ADGRA2: variants seen among roughly 807,000 people sequenced by gnomAD.
ADGRA2 encodes the protein G-protein coupled receptor 124.
Under a neutral mutation model 98.7 loss-of-function variants are expected in ADGRA2, and 61 were observed. The ratio of observed to expected loss-of-function variants is 0.62; its 90% CI spans 0.50 to 0.76. The LOEUF (loss-of-function observed/expected upper bound fraction) is 0.76. ADGRA2 is among the 30% of genes least tolerant of loss of function. ADGRA2 has a pLI of 0.00. For synonymous variants in ADGRA2, 858 were observed against 831.5 expected (o/e 1.03, Z -0.55); for missense variants, 1,712 against 1,860.0 (o/e 0.92, Z 1.46).
rs937125163 is a variant in ADGRA2, at chr8:37,824,656, G to A, written c.339-4232G>A. Among the ~76,000 whole-genome samples the A allele has an allele frequency of 5.3e-5, 8 of 151,678 alleles. No individual in the cohort carries two copies. The East Asian group carries it at 9.8e-4, about 19-fold the overall frequency. ...TTACAAGGCTCCCGCCACCACACAC[G>A]GCTAATTTTTTGTATTTTTAGTAGA... is the stretch of plus-strand genomic sequence containing the variant. On this transcript the variant is annotated intron_variant, in intron 2 of 18. Coordinates refer to ENST00000412232, the MANE Select transcript of ADGRA2 (RefSeq NM_032777.10).
chr8:37,830,930 G>T lies in ADGRA2; in HGVS notation c.932+7G>T. On this transcript the variant is annotated splice_region_variant and intron_variant, in intron 7 of 18. Transcript: ENST00000412232. This position sits in a 1 kb window ranked among gnomAD's most constrained non-coding sequence, Gnocchi z 4.8. The stretch of plus-strand genomic sequence containing the variant: ...ACTGCACCTTCATCACCAGGTATGA[G>T]CCCCGCTGCCCCTCCTCAGGCCTCA... The T allele has an allele frequency of 6.4e-7, 1 of 1,556,178 alleles. No homozygotes were observed.
intron 2 of ADGRA2, among the ~76,000 whole-genome samples, chr8:37,819,440 C>T (rs1452601918): frequency 6.6e-6 from 1 of 152,046 alleles, no homozygotes; most frequent in Non-Finnish European, 1.5e-5. Flanking sequence ...GGCACGATCT[C>T]CAGTGCAACC....
Position 37,830,620 on chromosome 8 carries a change from G to A in ADGRA2, c.719-90G>A, listed in dbSNP as rs192165688. 4,667 of 244,450 alleles carry A rather than the reference G, an allele frequency of 0.019. 36 individuals are homozygous for A. The highest frequency in any genetic ancestry group is 0.026 in the Non-Finnish European group (3,227 of 124,804). 15.1% of individuals were successfully genotyped at this position (244,450 alleles called of 1,614,324 possible). A position where few individuals can be genotyped will look rare whatever the true frequency, so the allele number is the denominator to read the frequency against. On this transcript the variant is annotated intron_variant, in intron 6 of 18. Transcript: ENST00000412232. This position sits in a 1 kb window ranked among gnomAD's most constrained non-coding sequence, Gnocchi z 4.8. ...GGCTGCAGGCCGAGGGCCCCGCCCC[G>A]CCCCACCCCATCCTGCTGGACTCTC...
At chr8:37,804,651 C>T (rs1030639468) in intron 1 of ADGRA2, among the ~76,000 whole-genome samples, 4 of 152,216 alleles carry the variant, frequency 2.6e-5, no homozygotes, top group African/African-American at 4.8e-5. Context: ...AGGGGACATC[C>T]GAGTCCCACT....
In ADGRA2 at chr8:37,840,366, G is replaced by A. The variant is rs1563354341; in HGVS notation, c.2657+100G>A. On this transcript the variant is annotated intron_variant, in intron 17 of 18. Transcript: ENST00000412232. ...TGAAGGGTGAGTCTAAGGTCCCTGG[G>A]AGATCACTCTCCAAAGACGGGGGAG... 19 of 1,290,892 alleles carry A rather than the reference G, an allele frequency of 1.5e-5. No individual in the cohort carries two copies. In the East Asian group the frequency reaches 4.4e-4, roughly 30 times the overall value. The allele number at this position is 1,290,892 out of a possible 1,614,324, so 80.0% of individuals were successfully genotyped here. A position where few individuals can be genotyped will look rare whatever the true frequency, so the allele number is the denominator to read the frequency against.
Position 37,844,543 on chromosome 8 carries a change from G to C in ADGRA2, c.*2188G>C. On this transcript the variant is annotated 3_prime_UTR_variant, in exon 19 of 19. Coordinates refer to ENST00000412232, the MANE Select transcript of ADGRA2 (RefSeq NM_032777.10). ...GCCTGTCTAGCAGCCTGGGCTCTCT[G>C]AAAGTCCCTAACTTCCTGAGGGGTA... The C allele has an allele frequency of 1.9e-6, 3 of 1,613,904 alleles. No homozygotes were observed. The highest frequency in any genetic ancestry group is 2.5e-6 in the Non-Finnish European group (3 of 1,180,030).
chr8:37,798,186 C>T (rs1804396477), intron 1 of ADGRA2, among the ~76,000 whole-genome samples: 1 of 152,230 alleles, frequency 6.6e-6, no homozygotes, highest in Non-Finnish European at 1.5e-5. Flanking sequence ...CCCACGGCGC[C>T]GTTTGTGCAG....
chr8:37,834,199 CTGCCG>C lies in ADGRA2; in HGVS notation c.1608+76_1608+80del, dbSNP rs1247706836. On this transcript the variant is annotated intron_variant, in intron 11 of 18. Transcript: ENST00000412232. The surrounding 1 kb of genome is among the most constrained non-coding windows in gnomAD (Gnocchi z 4.2). The stretch of plus-strand genomic sequence containing the variant: ...GAGGCGCTCCCTCTCAGGCGTGCAC[CTGCCG>C]TGCCCCAGCTAGCAAGAGCAGCAGA... 2 of 1,354,704 alleles carry C rather than the reference CTGCCG, an allele frequency of 1.5e-6. No homozygotes were observed. Among genetic ancestry groups the C allele is most frequent in the Admixed American group, 2.2e-5 (1 of 46,172 alleles). The allele number at this position is 1,354,704 out of a possible 1,614,324, so 83.9% of individuals were successfully genotyped here.
Position 37,841,529 on chromosome 8 carries a change from T to C in ADGRA2, c.3191T>C (p.Phe1064Ser). 1.2e-6 allele frequency: 2 copies of C among 1,612,508 alleles called. No individual in the cohort carries two copies. The highest frequency in any genetic ancestry group is 1.7e-6 in the Non-Finnish European group (2 of 1,179,766). Residue 1064 changes from phenylalanine (F) to serine (S), a missense_variant, in exon 19 of 19, where the codon TTC becomes TCC. By Grantham distance (155) the Phe-to-Ser change is radical. Transcript: ENST00000412232. This position sits in a 1 kb window ranked among gnomAD's most constrained non-coding sequence, Gnocchi z 5.0. ...GTGGCAGCCTCCGCCCTGGGCCTCT[T>C]CGTCTTCACTCACCACTGTGCCAGG... is the stretch of plus-strand genomic sequence containing the variant. ...YGVAASALGL[F>S]VFTHHCARRR...
chr8:37,825,871 C>T (rs1389896737), intron 2 of ADGRA2, among the ~76,000 whole-genome samples: 3 of 152,178 alleles, frequency 2.0e-5, no homozygotes, highest in South Asian at 2.1e-4. Context: ...CAAGGGCACT[C>T]GTGGGGGCTG....
rs750759100 is a variant in ADGRA2, at chr8:37,814,917, C to T, written c.288C>T (p.Ile96=). ...TCAGGCTCTTGAGCAATAACAAGAT[C>T]ACGGGGCTCCGCAATGGCTCCTTCC... ...TVTLLLSNNK[I]TGLRNGSFLG... The change falls in exon 2 of 19, where the codon ATC becomes ATT. Residue 96 remains isoleucine, a synonymous_variant. Transcript: ENST00000412232. This position sits in a 1 kb window ranked among gnomAD's most constrained non-coding sequence, Gnocchi z 4.3. The T allele has an allele frequency of 5.6e-6, 9 of 1,612,854 alleles. No individual in the cohort carries two copies. Among genetic ancestry groups the T allele is most frequent in the Non-Finnish European group, 7.6e-6 (9 of 1,178,934 alleles).
At chr8:37,818,276 C>T (rs1186356276) in intron 2 of ADGRA2, among the ~76,000 whole-genome samples, 1 of 152,226 alleles carries the variant, frequency 6.6e-6, no homozygotes, top group Non-Finnish European at 1.5e-5. Context: ...CTCCTTAGCA[C>T]ACACAAGTGA....
At chr8:37,810,683 G>A (rs544557585) in intron 1 of ADGRA2, among the ~76,000 whole-genome samples, 19 of 152,194 alleles carry the variant, frequency 1.2e-4, no homozygotes, top group African/African-American at 3.9e-4. Context: ...ATGTTTTATA[G>A]AGACAGGGTC....
At chr8:37,809,486 C>T (rs909513149) in intron 1 of ADGRA2, among the ~76,000 whole-genome samples, 1 of 152,076 alleles carries the variant, frequency 6.6e-6, no homozygotes, top group African/African-American at 2.4e-5. Flanking sequence ...GTTGTTAAGG[C>T]CAAAAGATCC....
In ADGRA2 at chr8:37,835,338, G is replaced by C. The variant is rs764715463; in HGVS notation, c.1773G>C (p.Gln591His). The change falls in exon 12 of 19, where the codon CAG becomes CAC. Residue 591 changes from glutamine (Q) to histidine (H), a missense_variant. Transcript: ENST00000412232. ...AGCCCGAGCCCCCAGCTGACCAGCA[G>C]CTCCGCTTCCGCTGCACCACCGGGA... ...PPEPEPPADQ[Q>H]LRFRCTTGRP... 6.2e-7 allele frequency: 1 copy of C among 1,613,424 alleles called. No homozygotes were observed.
At position 37,833,140 on chromosome 8, in the gene ADGRA2, G is replaced by T; in HGVS notation, c.1228G>T (p.Glu410Ter). 6.2e-7 allele frequency: 1 copy of T among 1,613,166 alleles called. No individual in the cohort carries two copies. Residue 410 changes from glutamate (E) to a stop codon, truncating the protein, a stop_gained, in exon 9 of 19, where the codon GAG becomes TAG. Transcript: ENST00000412232. LOFTEE classifies it high-confidence loss of function. The stretch of plus-strand genomic sequence containing the variant: ...CCGGTGTGACCGTGCCGGCCGCTGG[G>T]AGCCAGGGGACTACTCCCACTGTCT... ...SRRCDRAGRW[E>*]PGDYSHCLYT...
Position 37,835,855 on chromosome 8 carries a change from C to T in ADGRA2, c.2050+85C>T, listed in dbSNP as rs1033373924. On this transcript the variant is annotated intron_variant, in intron 13 of 18. Coordinates refer to ENST00000412232, the MANE Select transcript of ADGRA2 (RefSeq NM_032777.10). ...CTTTATCCTGCCCTTCCCTGGCCCA[C>T]AGCCCCCCAGTGCCGTAGTGGAACT... is the stretch of plus-strand genomic sequence containing the variant. 4 of 815,504 alleles carry T rather than the reference C, an allele frequency of 4.9e-6. No individual in the cohort carries two copies. The Admixed American group carries it at 8.3e-5, about 17-fold the overall frequency. The allele number at this position is 815,504 out of a possible 1,614,324, so 50.5% of individuals were successfully genotyped here.
Position 37,829,993 on chromosome 8 carries a change from C to A in ADGRA2, c.697C>A (p.Gln233Lys). 1 of 1,584,698 alleles carries A rather than the reference C, an allele frequency of 6.3e-7. No homozygotes were observed. The highest frequency in any genetic ancestry group is 2.3e-5 in the East Asian group (1 of 44,064). Residue 233 changes from glutamine (Q) to lysine (K), a missense_variant, in exon 6 of 19, where the codon CAG becomes AAG. By Grantham distance (53) the Gln-to-Lys change is moderately conservative (BLOSUM62 1). Coordinates refer to ENST00000412232, the MANE Select transcript of ADGRA2 (RefSeq NM_032777.10). ...ALHAQALGSL[Q>K]EAQLCCEGAL... ...GCATGCTCAGGCCCTGGGCAGCCTCCAGGAGGCCCAGCTCTGCTGCGGTGA... is the reference window on the plus strand; with the variant it reads ...GCATGCTCAGGCCCTGGGCAGCCTCAAGGAGGCCCAGCTCTGCTGCGGTGA...
At chr8:37,826,097 G>A (rs1027744266) in intron 2 of ADGRA2, among the ~76,000 whole-genome samples, 9 of 152,218 alleles carry the variant, frequency 5.9e-5, no homozygotes, top group South Asian at 2.1e-4. Context: ...GAGGGGGCCC[G>A]GGGAGGAAAT....
Sources: allele counts gnomAD v4.1 joint callset (sites outside exome capture counted in the v4.1 genomes callset), GRCh38; gene constraint gnomAD v4.1.1; non-coding constraint Gnocchi (gnomAD v3.1); transcripts MANE v1.5; gene names NCBI Gene and HGNC (gene_info 2026-07-23, HGNC 2026-07-21).